CACNA1A: variants seen among roughly 807,000 people sequenced by gnomAD.
The protein encoded by CACNA1A is voltage-dependent P/Q-type calcium channel subunit alpha-1A.
CACNA1A carries 57 observed loss-of-function variants against 262.4 expected under a neutral mutation model. The ratio of observed to expected loss-of-function variants is 0.22; its 90% confidence interval spans 0.18 to 0.27. CACNA1A has a LOEUF of 0.27. CACNA1A is among the 10% of genes least tolerant of loss of function. The pLI, the probability that CACNA1A is intolerant of heterozygous loss-of-function variation, is 1.00. For synonymous variants in CACNA1A, 1,431 were observed against 1,419.3 expected, an observed-to-expected ratio of 1.01 and a Z score of -0.18; for missense variants, 2,526 against 3,562.8, an observed-to-expected ratio of 0.71 and a Z score of 7.41.
At position 13,406,465 on chromosome 19, in the gene CACNA1A, TTATATATATATA is replaced by T. The variant is rs61273249; in HGVS notation, c.540-34698_540-34687del. Among the ~76,000 whole-genome samples, 280 of 31,542 alleles carry T rather than the reference TTATATATATATA, an allele frequency of 8.9e-3. 2 individuals are homozygous for T. The highest frequency in any genetic ancestry group is 0.033 in the Middle Eastern group (1 of 30). 20.7% of individuals were successfully genotyped at this position (31,542 alleles called of 152,430 possible). On this transcript the variant is annotated intron_variant, in intron 3 of 46. Transcript: ENST00000360228. Reference sequence around the variant, plus strand: ...GGGAGACTCTGTCTCAAAAAAAAAATTATATATATATATATATATATATATATATATATATAT... The same window carrying T: ...GGGAGACTCTGTCTCAAAAAAAAAATTATATATATATATATATATATATAT...
At chr19:13,367,714 C>A (rs57297632) in intron 4 of CACNA1A, among the ~76,000 whole-genome samples, 1 of 151,772 alleles carries the variant, frequency 6.6e-6, no homozygotes, top group African/African-American at 2.4e-5. Context: ...GGTGAAAGTG[C>A]GAGATTCCAT....
intron 3 of CACNA1A, among the ~76,000 whole-genome samples, chr19:13,387,587 G>A (rs923764862): frequency 6.6e-6 from 1 of 152,154 alleles, no homozygotes; most frequent in Non-Finnish European, 1.5e-5. Context: ...GCCTTCACTA[G>A]CCTGAGCATG....
At chr19:13,284,845 T>C (rs994936386) in intron 21 of CACNA1A, among the ~76,000 whole-genome samples, 1 of 152,244 alleles carries the variant, frequency 6.6e-6, no homozygotes, top group African/African-American at 2.4e-5. Flanking sequence ...TAAATAACAA[T>C]GATTTTCTAG....
intron 29 of CACNA1A, among the ~76,000 whole-genome samples, chr19:13,253,897 G>A (rs571320632): frequency 3.3e-5 from 5 of 151,988 alleles, no homozygotes; most frequent in South Asian, 2.1e-4. Context: ...GCGCCACCAC[G>A]CCCAGCTAAT....
rs374932564 is a variant in CACNA1A at position 13,286,605 on chromosome 19, C to T, written c.3451G>A (p.Gly1151Ser). Residue 1151 changes from glycine (G) to serine (S), a missense_variant, in exon 20 of 47, where the codon GGC becomes AGC. By Grantham distance (56) the Gly-to-Ser change is moderately conservative. Around this residue, in one of 17 missense-constraint regions of CACNA1A, gnomAD observed 765 missense variants for 748.6 expected, o/e 1.02. Coordinates refer to ENST00000360228, the MANE Select transcript of CACNA1A (RefSeq NM_001127222.2). ...ENSLIVTNPS[G>S]TQTNSAKTAR... is the part of the protein sequence containing the mutation. ...GTCTTAGCTGAATTGGTCTGGGTGCCGCTGGGGTTGGTGACGATAAGGCTA... is the reference window on the plus strand; with the variant it reads ...GTCTTAGCTGAATTGGTCTGGGTGCTGCTGGGGTTGGTGACGATAAGGCTA... 1.7e-5 allele frequency: 26 copies of T among 1,525,794 alleles called. No homozygotes were observed. Among genetic ancestry groups the T allele is most frequent in the Admixed American group, 6.4e-5 (3 of 46,846 alleles). The allele number at this position is 1,525,794 out of a possible 1,614,324, so 94.5% of individuals were successfully genotyped here.
chr19:13,500,374 G>A (rs1157640155), intron 1 of CACNA1A, among the ~76,000 whole-genome samples: 4 of 152,154 alleles, frequency 2.6e-5, no homozygotes, highest in Non-Finnish European at 5.9e-5. Flanking sequence ...GGGAGGGGTG[G>A]AACCCCACCC....
intron 10 of CACNA1A, 78 bp downstream of exon 10, chr19:13,330,166 G>C: frequency 9.9e-7 from 1 of 1,012,894 alleles, no homozygotes; most frequent in Non-Finnish European, 1.5e-6. Context: ...CGGTTTGCAA[G>C]CCCTCTGCCC....
chr19:13,292,507 G>A (rs1303080796), intron 19 of CACNA1A, among the ~76,000 whole-genome samples: 1 of 152,056 alleles, frequency 6.6e-6, no homozygotes, highest in African/African-American at 2.4e-5. Flanking sequence ...CCAGCTGCTC[G>A]GGAGGCTGAG....
chr19:13,438,500 C>A (rs1382410964), intron 3 of CACNA1A, among the ~76,000 whole-genome samples: 1 of 152,226 alleles, frequency 6.6e-6, no homozygotes, highest in Non-Finnish European at 1.5e-5. Flanking sequence ...CTCAGGCTAG[C>A]CTGCTGGAGG....
At chr19:13,268,893 CTTTTTTTTT>C (rs3050832) in intron 24 of CACNA1A, among the ~76,000 whole-genome samples, 12,914 of 108,032 alleles carry the variant, frequency 0.12, 911 homozygotes, top group African/African-American at 0.22. Flanking sequence ...ATAGATTCTA[CTTTTTTTTT>C]TTTTTTTTTT....
At chr19:13,453,266 A>T (rs1278614247) in intron 2 of CACNA1A, among the ~76,000 whole-genome samples, 1 of 152,262 alleles carries the variant, frequency 6.6e-6, no homozygotes, top group African/African-American at 2.4e-5. Flanking sequence ...TCAGCTAAAC[A>T]GAATTATTTG....
intron 15 of CACNA1A, among the ~76,000 whole-genome samples, chr19:13,304,452 G>A (rs2057855810): frequency 6.6e-6 from 1 of 151,718 alleles, no homozygotes; most frequent in Non-Finnish European, 1.5e-5. Flanking sequence ...AATATAGCAA[G>A]ACCCCATCTT....
Position 13,459,150 on chromosome 19 carries a change from T to C in CACNA1A, c.294-3938A>G, listed in dbSNP as rs373157081. Among the ~76,000 whole-genome samples, 6 of 152,142 alleles carry C rather than the reference T, an allele frequency of 3.9e-5. No individual in the cohort carries two copies. In the East Asian group the frequency reaches 5.8e-4, roughly 15 times the overall value. Reference sequence around the variant, plus strand: ...CATTCTGTAGAGAGATCAATTAGTATGTCTTGGGGAACTTGACCATGCTAA... The same window carrying C: ...CATTCTGTAGAGAGATCAATTAGTACGTCTTGGGGAACTTGACCATGCTAA... On this transcript the variant is annotated intron_variant, in intron 1 of 46. Coordinates refer to ENST00000360228, the MANE Select transcript of CACNA1A (RefSeq NM_001127222.2).
intron 3 of CACNA1A, among the ~76,000 whole-genome samples, chr19:13,391,533 A>G (rs1281400735): frequency 6.6e-6 from 1 of 152,152 alleles, no homozygotes; most frequent in African/African-American, 2.4e-5. Flanking sequence ...CAAAAACCCC[A>G]TAAGGTGGTG....
intron 3 of CACNA1A, among the ~76,000 whole-genome samples, chr19:13,447,254 T>C (rs1388037310): frequency 6.6e-6 from 1 of 152,190 alleles, no homozygotes; most frequent in Non-Finnish European, 1.5e-5. Flanking sequence ...GGTTCATTCA[T>C]CCCAACGATG....
chr19:13,247,042 T>G (rs888224350), intron 30 of CACNA1A, among the ~76,000 whole-genome samples: 3 of 152,232 alleles, frequency 2.0e-5, no homozygotes, highest in Admixed American at 6.5e-5. Context: ...GACATGGTGA[T>G]GGGTGGCACC....
At chr19:13,353,299 G>GT (rs57554463) in intron 6 of CACNA1A, among the ~76,000 whole-genome samples, 35,892 of 134,894 alleles carry the variant, frequency 0.27, 4,749 homozygotes, top group East Asian at 0.36. Flanking sequence ...TTGTATTTTT[G>GT]TTTTTTTTTT....
intron 31 of CACNA1A, among the ~76,000 whole-genome samples, chr19:13,239,458 C>G: frequency 6.6e-6 from 1 of 152,288 alleles, no homozygotes; most frequent in African/African-American, 2.4e-5. Flanking sequence ...ATGCCTGCCT[C>G]CCCCACCTGA....
chr19:13,404,189 T>TACACACAC (rs374169413), intron 3 of CACNA1A, among the ~76,000 whole-genome samples: 1 of 150,854 alleles, frequency 6.6e-6, no homozygotes, highest in Non-Finnish European at 1.5e-5. Flanking sequence ...TATACACATA[T>TACACACAC]ACACACACAC....
Sources: gnomAD v4.1 joint callset for allele counts (sites outside exome capture counted in the v4.1 genomes callset) on GRCh38, gnomAD v4.1.1 for gene constraint, gnomAD v4.1.1 regional missense constraint, MANE v1.5 for transcripts, NCBI Gene and HGNC (gene_info 2026-07-23, HGNC 2026-07-21) for gene names.